The following IL17REL variants were observed in gnomAD, a reference collection of about 807,000 sequenced individuals.
IL17REL encodes the protein interleukin-17 receptor E-like protein.
In IL17REL, 36 loss-of-function variants were observed where a neutral mutation model predicts 49.0. The observed-to-expected ratio is 0.73, with a 90% confidence interval of 0.56 to 0.97. IL17REL has a LOEUF of 0.97. Ranked by LOEUF, IL17REL falls within the 50% of genes least tolerant of loss-of-function variation. The pLI, the probability that IL17REL is intolerant of heterozygous loss-of-function variation, is 0.00. For missense variants in IL17REL, 470 were observed against 453.9 expected (o/e 1.04, Z -0.32); for synonymous variants, 206 against 192.4 (o/e 1.07, Z -0.58).
chr22:49,993,034 GTC>G (rs1394577008), downstream of IL17REL, among the ~76,000 whole-genome samples: 3 of 152,192 alleles, frequency 2.0e-5, no homozygotes, highest in Non-Finnish European at 2.9e-5. The surrounding 1 kb of genome is among the most constrained non-coding windows in gnomAD (Gnocchi z 6.0). Context: ...GGCTCTGGTT[GTC>G]TCTCTCATGC....
In IL17REL at chr22:49,997,309, T is replaced by G. The variant is rs764462836; in HGVS notation, c.974+11A>C. 1.3e-4 allele frequency: 207 copies of G among 1,611,222 alleles called. No homozygotes were observed. The highest frequency in any genetic ancestry group is 1.6e-4 in the Non-Finnish European group (186 of 1,178,392). On this transcript the variant is annotated intron_variant, in intron 11 of 12. Coordinates refer to ENST00000341280, the Ensembl canonical transcript of IL17REL. ...ACCTCCCCAGGATGGAGCCCCACTC[T>G]CTCGGCTCACTGAGGCTGAAGGGAG...
At chr22:50,010,219 T>G (rs1342858415), upstream of IL17REL, among the ~76,000 whole-genome samples, 1 of 152,220 alleles carries the variant, frequency 6.6e-6, no homozygotes, top group Non-Finnish European at 1.5e-5. Context: ...CCCAGCGTCC[T>G]GATGGAAGCC....
chr22:50,004,971 A>T (rs898382626), intron 1 of IL17REL, among the ~76,000 whole-genome samples: 4 of 116,228 alleles, frequency 3.4e-5, no homozygotes, highest in Middle Eastern at 4.1e-3. Context: ...ACCAGAAAGT[A>T]AAAAAAAAAA....
At chr22:50,001,270 G>A in intron 1 of IL17REL, 39 bp from the exon 3 acceptor site, 1 of 890,816 alleles carries the variant, frequency 1.1e-6, no homozygotes, top group Non-Finnish European at 1.8e-6. Context: ...CGAGTTCCCT[G>A]GTGCTCGGAA....
intron 1 of IL17REL, among the ~76,000 whole-genome samples, chr22:50,005,592 AG>A (rs1206521318): frequency 6.6e-6 from 1 of 152,080 alleles, no homozygotes; most frequent in African/African-American, 2.4e-5. Context: ...ACTTCGGGTC[AG>A]GAGTTCGAGA....
At chr22:50,000,840 A>T in exon 3 of IL17REL, 3 of 1,585,040 alleles carry the variant, frequency 1.9e-6, no homozygotes, top group Non-Finnish European at 2.6e-6. Context: ...CTCATGGCAC[A>T]GGCCTCCAGG....
chr22:50,001,169 C>T (rs1217788715), exon 2 of IL17REL: 2 of 1,604,570 alleles, frequency 1.2e-6, no homozygotes, highest in East Asian at 4.5e-5. Flanking sequence ...GACGTCAGGG[C>T]CTCCAGGACT....
At chr22:49,998,198 C>G in exon 8 of IL17REL, 4 of 1,611,786 alleles carry the variant, frequency 2.5e-6, no homozygotes, top group Non-Finnish European at 3.4e-6. Flanking sequence ...CGGCCCCGGG[C>G]GCCAGCACAG....
intron 1 of IL17REL, among the ~76,000 whole-genome samples, chr22:50,007,381 G>A (rs930171018): frequency 6.6e-6 from 1 of 152,074 alleles, no homozygotes; most frequent in Non-Finnish European, 1.5e-5. Flanking sequence ...GTTTATTTAT[G>A]TTTTTATGAG....
At chr22:49,996,631 G>A (rs1014577969) in exon 13 of IL17REL, 5 of 192,806 alleles carry the variant, frequency 2.6e-5, no homozygotes, top group Admixed American at 6.0e-5. Flanking sequence ...CTGGAGGGCA[G>A]TGCTGGGCAC....
At chr22:49,993,207 G>A (rs1387763244), downstream of IL17REL, among the ~76,000 whole-genome samples, 5 of 152,206 alleles carry the variant, frequency 3.3e-5, no homozygotes, top group African/African-American at 7.2e-5. The surrounding 1 kb of genome is among the most constrained non-coding windows in gnomAD (Gnocchi z 6.0). Flanking sequence ...GTGCTGGGTC[G>A]GGGCCCAGGG....
intron 1 of IL17REL, among the ~76,000 whole-genome samples, chr22:50,007,546 G>T (rs200650415): frequency 5.1e-4 from 78 of 151,598 alleles, no homozygotes; most frequent in Admixed American, 1.3e-3. Context: ...AATTTTTTTG[G>T]GGGGGGGATT....
In IL17REL at chr22:49,999,284, C is replaced by T; in HGVS notation, c.601+7G>A. ...CCTTCCGCCCGTTGGCATCGCAGGA[C>T]ACTTGCCGTTTTCAAAGGGGCAGAT... On this transcript the variant is annotated splice_region_variant and intron_variant, in intron 7 of 12. Transcript: ENST00000341280. 6.2e-7 allele frequency: 1 copy of T among 1,613,022 alleles called. No homozygotes were observed. Among genetic ancestry groups the T allele is most frequent in the Non-Finnish European group, 8.5e-7 (1 of 1,180,014 alleles).
intron 5 of IL17REL, 54 bp from the exon 8 acceptor site, chr22:49,999,556 G>A (rs2061061825): frequency 1.4e-6 from 2 of 1,410,506 alleles, no homozygotes; most frequent in South Asian, 1.2e-5. Flanking sequence ...GGGGTGGTCT[G>A]GGGTGGGCGG....
In IL17REL at chr22:49,999,705, CGGGGGCGGGGCGCGGGGG is replaced by C. The variant is rs1360855423; in HGVS notation, c.474+105_474+122del. The stretch of plus-strand genomic sequence containing the variant: ...GAGGTGGGTGGGGCCTAGGCCTGGC[CGGGGGCGGGGCGCGGGGG>C]GTGGGCGGGGCGCGGGGTGGGCGGG... On this transcript the variant is annotated intron_variant, in intron 5 of 12. Transcript: ENST00000341280. 57 of 349,856 alleles carry C rather than the reference CGGGGGCGGGGCGCGGGGG, an allele frequency of 1.6e-4. 4 individuals carry two copies. Among genetic ancestry groups the C allele is most frequent in the Non-Finnish European group, 1.9e-4 (55 of 290,148 alleles). The allele number at this position is 349,856 out of a possible 1,614,324, so 21.7% of individuals were successfully genotyped here.
chr22:50,000,426 A>T, intron 4 of IL17REL, 52 bp downstream of exon 5: 1 of 1,389,132 alleles, frequency 7.2e-7, no homozygotes, highest in Non-Finnish European at 1.0e-6. Flanking sequence ...ACCCCAAGCC[A>T]GGCCCTGGAG....
downstream of IL17REL, among the ~76,000 whole-genome samples, chr22:49,992,706 C>T (rs188101247): frequency 4.6e-3 from 699 of 152,342 alleles, 15 homozygotes; most frequent in East Asian, 0.014. Context: ...CAACCTCTGC[C>T]TTCTGGGTTC....
chr22:50,011,555 C>T (rs1157362600), upstream of IL17REL, among the ~76,000 whole-genome samples: 1 of 152,044 alleles, frequency 6.6e-6, no homozygotes, highest in Admixed American at 6.6e-5. Flanking sequence ...CTTCTCCTTC[C>T]CCCTCCTAGC....
intron 5 of IL17REL, 43 bp from the exon 8 acceptor site, chr22:49,999,545 G>C: frequency 6.6e-7 from 1 of 1,507,026 alleles, no homozygotes; most frequent in Non-Finnish European, 8.9e-7. Flanking sequence ...GCGGGAGGGC[G>C]GGGGTGGTCT....
Sources: gnomAD v4.1 joint callset for allele counts (sites outside exome capture counted in the v4.1 genomes callset) on GRCh38, gnomAD v4.1.1 for gene constraint, Gnocchi (gnomAD v3.1) non-coding constraint, MANE v1.5 for transcripts, NCBI Gene and HGNC (gene_info 2026-07-23, HGNC 2026-07-21) for gene names.